Variants in CENPW observed in about 807,000 individuals in gnomAD.
CENPW encodes cancer-up-regulated gene 2 protein.
Under a neutral mutation model 11.1 loss-of-function variants are expected in CENPW, and 3 were observed. That is an observed-to-expected ratio of 0.27 (90% CI 0.12 to 0.70). The LOEUF (loss-of-function observed/expected upper bound fraction) is 0.70, where lower values mean the gene tolerates loss of function less well. Ranked by LOEUF, CENPW falls within the 30% of genes least tolerant of loss-of-function variation. CENPW has a pLI of 0.77. For synonymous variants in CENPW, 38 were observed against 42.0 expected, an observed-to-expected ratio of 0.91 and a Z score of 0.37; for missense variants, 100 against 105.6, an observed-to-expected ratio of 0.95 and a Z score of 0.23.
the CENPW span, among the ~76,000 whole-genome samples, chr6:126,415,456 G>A: frequency 6.6e-6 from 1 of 152,086 alleles, no homozygotes; most frequent in South Asian, 2.1e-4. Flanking sequence ...TCTGTTATTA[G>A]TACAGTTTTT....
the CENPW span, among the ~76,000 whole-genome samples, chr6:126,423,054 C>T: frequency 5.3e-5 from 8 of 152,030 alleles, no homozygotes; most frequent in Admixed American, 4.6e-4. Context: ...ATAATGATGA[C>T]GTATCATATT....
At chr6:126,470,957 A>G in the CENPW span, among the ~76,000 whole-genome samples, 1 of 152,178 alleles carries the variant, frequency 6.6e-6, no homozygotes, top group Admixed American at 6.5e-5. Context: ...TTACAGGCTC[A>G]TGGGTGGAAG....
the CENPW span, among the ~76,000 whole-genome samples, chr6:126,375,466 C>T: frequency 6.6e-6 from 1 of 152,144 alleles, no homozygotes; most frequent in African/African-American, 2.4e-5. Flanking sequence ...GACACTATTG[C>T]AGTACTCCAT....
chr6:126,375,361 G>A, the CENPW span, among the ~76,000 whole-genome samples: 2 of 152,186 alleles, frequency 1.3e-5, no homozygotes, highest in Admixed American at 6.5e-5. Context: ...GTTCTGAGCA[G>A]GCATGTGACA....
chr6:126,344,373 T>C (rs1450046142), intron 1 of CENPW, among the ~76,000 whole-genome samples: 1 of 152,158 alleles, frequency 6.6e-6, no homozygotes, highest in Non-Finnish European at 1.5e-5. Context: ...AGGCCTAGTG[T>C]AGAACTGGAA....
At chr6:126,350,335 TGGTGCCAGCACAGTCA>T (rs796878147), downstream of CENPW, among the ~76,000 whole-genome samples, 118 of 152,286 alleles carry the variant, frequency 7.7e-4, no homozygotes, top group African/African-American at 2.8e-3. Flanking sequence ...TCTGAGATCA[TGGTGCCAGCACAGTCA>T]GGTTCTGGTG....
chr6:126,362,441 T>C, the CENPW span, among the ~76,000 whole-genome samples: 1 of 152,200 alleles, frequency 6.6e-6, no homozygotes, highest in Non-Finnish European at 1.5e-5. Flanking sequence ...AGCTGTTTGG[T>C]GCACCCAATT....
At chr6:126,437,567 T>C in the CENPW span, among the ~76,000 whole-genome samples, 1 of 151,906 alleles carries the variant, frequency 6.6e-6, no homozygotes, top group Non-Finnish European at 1.5e-5. Context: ...CCCAGTTTTG[T>C]CTACAAATGG....
the CENPW span, among the ~76,000 whole-genome samples, chr6:126,378,273 A>G: frequency 6.6e-6 from 1 of 152,006 alleles, no homozygotes; most frequent in East Asian, 1.9e-4. Context: ...ACAATTATTT[A>G]TATATTCATT....
the CENPW span, among the ~76,000 whole-genome samples, chr6:126,385,327 T>G: frequency 6.6e-6 from 1 of 152,130 alleles, no homozygotes; most frequent in Non-Finnish European, 1.5e-5. Context: ...CAGAGTGCTA[T>G]TCACAATAGC....
At chr6:126,408,254 T>C in the CENPW span, among the ~76,000 whole-genome samples, 1 of 152,080 alleles carries the variant, frequency 6.6e-6, no homozygotes, top group Admixed American at 6.6e-5. Context: ...CAAGACTGGG[T>C]AATTGATAAA....
downstream of CENPW, among the ~76,000 whole-genome samples, chr6:126,350,511 C>CT (rs2128290353): frequency 6.6e-6 from 1 of 152,274 alleles, no homozygotes; most frequent in East Asian, 1.9e-4. Flanking sequence ...TCCCAAAGGT[C>CT]GTTCCTCCTA....
the CENPW span, among the ~76,000 whole-genome samples, chr6:126,364,422 A>G: frequency 6.6e-6 from 1 of 152,182 alleles, no homozygotes; most frequent in Non-Finnish European, 1.5e-5. Flanking sequence ...TTTTCTTCAG[A>G]TAAGTTTCCC....
At chr6:126,480,193 C>G in the CENPW span, among the ~76,000 whole-genome samples, 1 of 151,752 alleles carries the variant, frequency 6.6e-6, no homozygotes, top group Non-Finnish European at 1.5e-5. Context: ...CACACACACA[C>G]AGAGAAATGA....
chr6:126,456,248 C>CAAACAA, the CENPW span, among the ~76,000 whole-genome samples: 1 of 151,378 alleles, frequency 6.6e-6, no homozygotes, highest in South Asian at 2.1e-4. Flanking sequence ...ATAGCCAAGG[C>CAAACAA]ATTCCTAAGC....
At chr6:126,356,571 T>A in the CENPW span, among the ~76,000 whole-genome samples, 1 of 152,194 alleles carries the variant, frequency 6.6e-6, no homozygotes, top group Admixed American at 6.5e-5. Context: ...GTATAAGCAT[T>A]CCCTTTTCTT....
the CENPW span, among the ~76,000 whole-genome samples, chr6:126,455,310 C>T: frequency 4.0e-5 from 6 of 151,348 alleles, no homozygotes; most frequent in African/African-American, 1.4e-4. Flanking sequence ...AATTTCTCAA[C>T]AAAATACTAG....
the CENPW span, among the ~76,000 whole-genome samples, chr6:126,470,308 T>A: frequency 6.6e-6 from 1 of 152,210 alleles, no homozygotes; most frequent in African/African-American, 2.4e-5. Context: ...CTCAGGCCAT[T>A]GGTTCAGAGG....
chr6:126,427,351 G>A, the CENPW span, among the ~76,000 whole-genome samples: 2,375 of 152,256 alleles, frequency 0.016, 52 homozygotes, highest in African/African-American at 0.047. Context: ...CTTACTAGCC[G>A]TAGCCAAATC....
Sources: allele counts gnomAD v4.1 joint callset (sites outside exome capture counted in the v4.1 genomes callset), GRCh38; gene constraint gnomAD v4.1.1; transcripts MANE v1.5; gene names NCBI Gene and HGNC (gene_info 2026-07-23, HGNC 2026-07-21).